Variants in PTPRM observed in about 807,000 individuals in gnomAD.
The protein encoded by PTPRM is protein tyrosine phosphatase receptor type M, also known as receptor-type tyrosine-protein phosphatase mu.
Under a neutral mutation model 186.7 loss-of-function variants are expected in PTPRM, and 47 were observed. The ratio of observed to expected loss-of-function variants is 0.25; its 90% CI spans 0.20 to 0.32. The LOEUF is 0.32. PTPRM is among the 10% of genes least tolerant of loss of function. The probability of loss-of-function intolerance (pLI) is 1.00; values close to 1 mark genes in which losing one functional copy is unlikely to be tolerated. For synonymous variants in PTPRM, 668 were observed against 674.9 expected, an observed-to-expected ratio of 0.99 and a Z score of 0.16; for missense variants, 1,494 against 1,865.0, an observed-to-expected ratio of 0.80 and a Z score of 3.66.
intron 1 of PTPRM, among the ~76,000 whole-genome samples, chr18:7,707,250 A>T (rs886319372): frequency 2.6e-5 from 4 of 152,134 alleles, no homozygotes; most frequent in African/African-American, 4.8e-5. Flanking sequence ...TCACTACAGG[A>T]TATTTTTCAA....
intron 7 of PTPRM, among the ~76,000 whole-genome samples, chr18:8,003,230 G>C (rs1194345402): frequency 6.6e-6 from 1 of 152,150 alleles, no homozygotes; most frequent in East Asian, 1.9e-4. Context: ...AGTCTCATGA[G>C]ATCTGATGAT....
At chr18:8,353,123 A>C (rs1045391962) in intron 23 of PTPRM, among the ~76,000 whole-genome samples, 18 of 152,198 alleles carry the variant, frequency 1.2e-4, no homozygotes, top group Non-Finnish European at 8.8e-5. Flanking sequence ...CAGCAGCATA[A>C]GGAAGGGAAA....
At chr18:8,318,649 T>C (rs545710924) in intron 21 of PTPRM, among the ~76,000 whole-genome samples, 4 of 152,266 alleles carry the variant, frequency 2.6e-5, no homozygotes, top group African/African-American at 9.6e-5. Context: ...AGGGTCATGA[T>C]AAAAGGAAGG....
intron 1 of PTPRM, among the ~76,000 whole-genome samples, chr18:7,757,699 G>T (rs944596027): frequency 6.6e-6 from 1 of 152,302 alleles, no homozygotes; most frequent in Middle Eastern, 3.4e-3. Context: ...ATAGAGAAGG[G>T]TGCTAGTACA....
chr18:7,980,669 C>A (rs2082499338), intron 7 of PTPRM, among the ~76,000 whole-genome samples: 1 of 152,170 alleles, frequency 6.6e-6, no homozygotes, highest in Non-Finnish European at 1.5e-5. Context: ...CAGGTTTGAG[C>A]CACTGTGTCC....
intron 2 of PTPRM, among the ~76,000 whole-genome samples, chr18:7,779,282 A>T (rs141310880): frequency 7.9e-5 from 12 of 152,226 alleles, no homozygotes; most frequent in African/African-American, 2.9e-4. Context: ...TCCAGGTAGT[A>T]TAGCATGGGA....
In PTPRM at chr18:8,356,903, T is replaced by G. The variant is rs546114226; in HGVS notation, c.3054+13383T>G. On this transcript the variant is annotated intron_variant, in intron 23 of 32. Coordinates refer to ENST00000580170, the MANE Select transcript of PTPRM (RefSeq NM_001105244.2). ...TGCAACCTTGGAATGAAGGGAATTA[T>G]CCATATGAACTCTAAAATTCCATGT... Among the ~76,000 whole-genome samples the G allele has an allele frequency of 2.6e-5, 4 of 152,338 alleles. No individual in the cohort carries two copies. In the South Asian group the frequency reaches 8.3e-4, roughly 32 times the overall value.
intron 14 of PTPRM, among the ~76,000 whole-genome samples, chr18:8,206,268 A>ATTTATTTTTTTTTTTTTTTTT (rs2093927741): frequency 2.0e-5 from 3 of 148,988 alleles, no homozygotes; most frequent in African/African-American, 7.8e-5. Context: ...ATTTTATTTT[A>ATTTATTTTTTTTTTTTTTTTT]TTTTGAGACG....
rs530422996 is a variant in PTPRM at position 8,051,451 on chromosome 18, C to A, written c.1133-18235C>A. Among the ~76,000 whole-genome samples, 8 of 152,298 alleles carry A rather than the reference C, an allele frequency of 5.3e-5. No individual in the cohort carries two copies. In the East Asian group the frequency reaches 1.5e-3, roughly 29 times the overall value. ...TTCTGCTCATTTTATCCCTGTGTCT[C>A]CAGAACAGAGGTAGCCAATATCTTC... On this transcript the variant is annotated intron_variant, in intron 7 of 32. Transcript: ENST00000580170.
intron 7 of PTPRM, among the ~76,000 whole-genome samples, chr18:8,047,607 A>G (rs2087155072): frequency 6.6e-6 from 1 of 152,078 alleles, no homozygotes; most frequent in South Asian, 2.1e-4. Context: ...GACCAGGTGG[A>G]ATGAGGGTGG....
chr18:7,680,152 C>T (rs2039447724), intron 1 of PTPRM, among the ~76,000 whole-genome samples: 1 of 152,220 alleles, frequency 6.6e-6, no homozygotes, highest in South Asian at 2.1e-4. Context: ...AGGCATGAGC[C>T]ACTACGCCTG....
At chr18:8,159,866 A>G (rs183445616) in intron 14 of PTPRM, among the ~76,000 whole-genome samples, 138 of 152,320 alleles carry the variant, frequency 9.1e-4, no homozygotes, top group Non-Finnish European at 1.2e-3. Flanking sequence ...CTTTTTAAAA[A>G]AAAAATTTCA....
chr18:8,315,034 A>G (rs1166432289), intron 21 of PTPRM, among the ~76,000 whole-genome samples, 177 bp downstream of exon 21: 1 of 152,192 alleles, frequency 6.6e-6, no homozygotes, highest in African/African-American at 2.4e-5. Flanking sequence ...TGTTGGACAT[A>G]CATTGGGCTC....
At chr18:8,185,906 T>A (rs1296208973) in intron 14 of PTPRM, among the ~76,000 whole-genome samples, 2 of 152,140 alleles carry the variant, frequency 1.3e-5, no homozygotes, top group African/African-American at 4.8e-5. Context: ...CCTTACCTCC[T>A]CCATACACAG....
At chr18:7,842,930 G>GTGTGTGTATATATATATATA (rs377182615) in intron 2 of PTPRM, among the ~76,000 whole-genome samples, 19 of 100,928 alleles carry the variant, frequency 1.9e-4, no homozygotes, top group African/African-American at 8.9e-4. Context: ...GTGTGTGTGT[G>GTGTGTGTATATATATATATA]TATATATATA....
chr18:7,996,094 A>G (rs2083517118), intron 7 of PTPRM, among the ~76,000 whole-genome samples: 1 of 152,136 alleles, frequency 6.6e-6, no homozygotes, highest in African/African-American at 2.4e-5. Context: ...GTTTTGTAAA[A>G]GAGACAAAAG....
intron 19 of PTPRM, among the ~76,000 whole-genome samples, chr18:8,289,575 T>C (rs55692247): frequency 0.49 from 53,397 of 108,626 alleles, 13,984 homozygotes; most frequent in Middle Eastern, 0.53. Flanking sequence ...TATATATATA[T>C]ACATATATAT....
intron 24 of PTPRM, among the ~76,000 whole-genome samples, chr18:8,374,636 A>G (rs1359060869): frequency 7.2e-5 from 11 of 152,236 alleles, no homozygotes; most frequent in Admixed American, 1.3e-4. Context: ...CACAGAGCCT[A>G]TTTAGCAGAC....
In PTPRM at chr18:8,128,793, C is replaced by T. The variant is rs1460713000; in HGVS notation, c.2167+13966C>T. Among the ~76,000 whole-genome samples the T allele has an allele frequency of 3.9e-5, 6 of 152,034 alleles. No individual in the cohort carries two copies. The East Asian group carries it at 1.2e-3, about 29-fold the overall frequency. On this transcript the variant is annotated intron_variant, in intron 13 of 32. Coordinates refer to ENST00000580170, the MANE Select transcript of PTPRM (RefSeq NM_001105244.2). ...TATTGCACTGAAATAGTATTATTTT[C>T]CATTTGTATTATGTAAACTTAAGAA...
Sources: allele counts gnomAD v4.1 joint callset (sites outside exome capture counted in the v4.1 genomes callset), GRCh38; gene constraint gnomAD v4.1.1; transcripts MANE v1.5; gene names NCBI Gene and HGNC (gene_info 2026-07-23, HGNC 2026-07-21).